GALNTL5: variants seen among roughly 807,000 people sequenced by gnomAD.
GALNTL5 encodes polypeptide N-acetylgalactosaminyltransferase like 5.
GALNTL5 carries 44 observed loss-of-function variants against 51.0 expected under a neutral mutation model. The ratio of observed to expected loss-of-function variants is 0.86; its 90% CI spans 0.68 to 1.11. The LOEUF (loss-of-function observed/expected upper bound fraction) is 1.11, where lower values mean the gene tolerates loss of function less well. Among genes scored for constraint, GALNTL5 ranks in the 50% least tolerant of loss-of-function variants. The probability of loss-of-function intolerance (pLI) is 0.00; values close to 1 mark genes in which losing one functional copy is unlikely to be tolerated. For missense variants in GALNTL5, 528 were observed against 531.8 expected (o/e 0.99, Z 0.07); for synonymous variants, 192 against 182.8 (o/e 1.05, Z -0.41).
chr7:151,972,806 T>A (rs1425023546), intron 3 of GALNTL5, among the ~76,000 whole-genome samples: 1 of 152,214 alleles, frequency 6.6e-6, no homozygotes, highest in Non-Finnish European at 1.5e-5. Context: ...CACCTGGATG[T>A]CCAGGCAGAA....
intron 6 of GALNTL5, among the ~76,000 whole-genome samples, chr7:152,003,305 C>G (rs1189606339): frequency 6.6e-6 from 1 of 152,190 alleles, no homozygotes; most frequent in African/African-American, 2.4e-5. Context: ...GAGACTCCAT[C>G]ATTTGTTAGC....
chr7:152,015,163 T>C (rs549498094), intron 8 of GALNTL5, among the ~76,000 whole-genome samples: 1 of 152,258 alleles, frequency 6.6e-6, no homozygotes, highest in South Asian at 2.1e-4. Context: ...TCTCAGTTCA[T>C]CCTAAGCTGC....
intron 6 of GALNTL5, among the ~76,000 whole-genome samples, chr7:152,004,701 G>A (rs1048946949): frequency 5.3e-5 from 8 of 152,172 alleles, no homozygotes; most frequent in Non-Finnish European, 1.0e-4. Flanking sequence ...GAGAACATGT[G>A]TATTTCTCTT....
intron 1 of GALNTL5, among the ~76,000 whole-genome samples, chr7:151,961,709 G>A (rs1280384990): frequency 6.6e-6 from 1 of 152,170 alleles, no homozygotes; most frequent in East Asian, 1.9e-4. Flanking sequence ...CCTTTTCCAG[G>A]TGCAGGGATG....
intron 5 of GALNTL5, 43 bp from the exon 6 acceptor site, chr7:152,002,671 T>G: frequency 6.3e-7 from 1 of 1,591,914 alleles, no homozygotes; most frequent in East Asian, 2.2e-5. Flanking sequence ...GCCGTATTTT[T>G]TCAGCTATGT....
chr7:152,019,358 GATACCGCA>G (rs1586862358), intron 8 of GALNTL5, among the ~76,000 whole-genome samples: 1 of 152,184 alleles, frequency 6.6e-6, no homozygotes. Flanking sequence ...GGAGAAAGGG[GATACCGCA>G]ATAGGTGGCT....
chr7:151,972,506 C>CTTA (rs749363408), intron 3 of GALNTL5, among the ~76,000 whole-genome samples: 1 of 151,786 alleles, frequency 6.6e-6, no homozygotes, highest in African/African-American at 2.4e-5. Flanking sequence ...TTTCAGAGAC[C>CTTA]ATGGCAACTC....
chr7:151,999,628 C>T (rs1317965112), intron 5 of GALNTL5, among the ~76,000 whole-genome samples: 1 of 152,118 alleles, frequency 6.6e-6, no homozygotes, highest in Non-Finnish European at 1.5e-5. Flanking sequence ...TGTTTGTGTG[C>T]TTGCTAGCCA....
chr7:152,013,342 C>T (rs1271815374), intron 7 of GALNTL5, among the ~76,000 whole-genome samples: 6 of 149,450 alleles, frequency 4.0e-5, no homozygotes, highest in African/African-American at 1.5e-4. Context: ...GAACTGAAAA[C>T]AAAAGTTGGA....
chr7:151,963,164 T>C (rs1257806594), intron 1 of GALNTL5, among the ~76,000 whole-genome samples: 2 of 152,230 alleles, frequency 1.3e-5, no homozygotes, highest in African/African-American at 4.8e-5. Flanking sequence ...TCTAGTCTCA[T>C]TCATTATATG....
At chr7:152,003,591 G>T (rs2081608918) in intron 6 of GALNTL5, among the ~76,000 whole-genome samples, 1 of 152,178 alleles carries the variant, frequency 6.6e-6, no homozygotes, top group Non-Finnish European at 1.5e-5. Context: ...GAAGTGATCT[G>T]ATCAATATCA....
chr7:152,014,613 T>C (rs547217340), intron 7 of GALNTL5, 31 bp from the exon 8 acceptor site: 25 of 1,576,638 alleles, frequency 1.6e-5, no homozygotes, highest in South Asian at 1.3e-4. Flanking sequence ...TAATAATGCA[T>C]TCGTATGTTT....
intron 7 of GALNTL5, among the ~76,000 whole-genome samples, chr7:152,009,148 T>G (rs940178306): frequency 2.6e-5 from 4 of 152,212 alleles, no homozygotes; most frequent in Admixed American, 2.0e-4. Context: ...AGCTGAAATA[T>G]TCTCTTGACA....
chr7:151,983,063 C>G lies in GALNTL5; in HGVS notation c.446C>G (p.Ala149Gly), dbSNP rs781025768. The G allele has an allele frequency of 6.2e-7, 1 of 1,614,140 alleles. No homozygotes were observed. Among genetic ancestry groups the G allele is most frequent in the South Asian group, 1.1e-5 (1 of 91,084 alleles). Residue 149 changes from alanine to glycine, a missense_variant, in exon 4 of 9, where the codon GCC (alanine) becomes GGC (glycine). By Grantham distance (60) the Ala-to-Gly change is moderately conservative. Coordinates refer to ENST00000392800, the MANE Select transcript of GALNTL5 (RefSeq NM_145292.4). ...TGCTTCTATAATGAAGAATGTAATG[C>G]CTTGTTTCAGACCATGTCCAGTGTC... ...VICFYNEECNALFQTMSSVTN... is the reference protein window; with the variant it reads ...VICFYNEECNGLFQTMSSVTN...
At chr7:152,011,551 G>C (rs2081739025) in intron 7 of GALNTL5, among the ~76,000 whole-genome samples, 1 of 152,230 alleles carries the variant, frequency 6.6e-6, no homozygotes, top group African/African-American at 2.4e-5. Flanking sequence ...ATTATCCCTA[G>C]AGAAGCCCTT....
chr7:151,986,458 G>A (rs1157508757), intron 4 of GALNTL5, among the ~76,000 whole-genome samples: 1 of 152,078 alleles, frequency 6.6e-6, no homozygotes, highest in Non-Finnish European at 1.5e-5. Context: ...AATGTAGCAA[G>A]ACCCTATTGC....
intron 8 of GALNTL5, among the ~76,000 whole-genome samples, chr7:152,015,953 G>A (rs1027048791): frequency 5.9e-5 from 9 of 152,120 alleles, no homozygotes; most frequent in Non-Finnish European, 1.2e-4. Flanking sequence ...CTCTGACAGT[G>A]TATGTCCTGG....
chr7:151,973,628 T>C (rs1193052605), intron 3 of GALNTL5, among the ~76,000 whole-genome samples: 1 of 152,190 alleles, frequency 6.6e-6, no homozygotes, highest in East Asian at 1.9e-4. Context: ...AACTAACTTG[T>C]TTTTTATTTT....
At chr7:152,003,000 C>T (rs778606980) in intron 6 of GALNTL5, 37 bp downstream of exon 6, 9 of 1,584,064 alleles carry the variant, frequency 5.7e-6, no homozygotes, top group East Asian at 2.2e-5. Flanking sequence ...ATATAGCATA[C>T]GTGTATTGAG....
Sources: allele counts gnomAD v4.1 joint callset (sites outside exome capture counted in the v4.1 genomes callset), GRCh38; gene constraint gnomAD v4.1.1; transcripts MANE v1.5; gene names NCBI Gene and HGNC (gene_info 2026-07-23, HGNC 2026-07-21).